Variants in CSMD1 observed in about 807,000 individuals in gnomAD.
CSMD1 encodes CUB and sushi domain-containing protein 1.
CSMD1 carries 213 observed loss-of-function variants against 417.5 expected under a neutral mutation model. The ratio of observed to expected loss-of-function variants is 0.51; its 90% CI spans 0.46 to 0.57. CSMD1 has a LOEUF of 0.57. Among genes scored for constraint, CSMD1 ranks in the 20% least tolerant of loss-of-function variants. The probability of loss-of-function intolerance (pLI) is 0.00; values close to 1 mark genes in which losing one functional copy is unlikely to be tolerated. For synonymous variants in CSMD1, 2,862 were observed against 1,736.8 expected (o/e 1.65, Z -16.11); for missense variants, 6,923 against 4,529.7 (o/e 1.53, Z -15.17).
chr8:3,601,350 G>A (rs1273582346), intron 8 of CSMD1, among the ~76,000 whole-genome samples: 2 of 152,226 alleles, frequency 1.3e-5, no homozygotes, highest in African/African-American at 2.4e-5. Flanking sequence ...GAAGGCAGCA[G>A]ATACTGAAAG....
intron 8 of CSMD1, among the ~76,000 whole-genome samples, chr8:3,602,855 T>C (rs920247604): frequency 2.6e-5 from 4 of 152,166 alleles, no homozygotes; most frequent in Middle Eastern, 3.2e-3. Flanking sequence ...TGATAATTCA[T>C]CAACTATGTT....
At chr8:4,962,842 T>G (rs1031884596) in intron 1 of CSMD1, among the ~76,000 whole-genome samples, 2 of 152,216 alleles carry the variant, frequency 1.3e-5, no homozygotes. Flanking sequence ...AGACCTCTTT[T>G]GTGCTTGGTG....
intron 1 of CSMD1, among the ~76,000 whole-genome samples, chr8:4,974,372 A>G (rs983644754): frequency 2.0e-5 from 3 of 152,126 alleles, no homozygotes; most frequent in African/African-American, 7.2e-5. Flanking sequence ...CTTAGCTGCA[A>G]TATTAAAAGT....
rs555977458 is a variant in CSMD1 at position 3,878,000 on chromosome 8, A to G, written c.818+119903T>C. On this transcript the variant is annotated intron_variant, in intron 5 of 69. Coordinates refer to ENST00000635120, the MANE Select transcript of CSMD1 (RefSeq NM_033225.6). ...TTTAAACTTAAACTGAATGTAAATG[A>G]TAAAACTTTCCAAAGATAAAATGAT... is the stretch of plus-strand genomic sequence containing the variant. Among the ~76,000 whole-genome samples the G allele has an allele frequency of 5.3e-5, 8 of 152,150 alleles. No individual in the cohort carries two copies. In the East Asian group the frequency reaches 1.5e-3, roughly 29 times the overall value.
chr8:3,379,230 G>A (rs943289062), intron 18 of CSMD1, among the ~76,000 whole-genome samples: 1 of 152,158 alleles, frequency 6.6e-6, no homozygotes, highest in Non-Finnish European at 1.5e-5. Flanking sequence ...ACAAACCACT[G>A]CTCAAGGAAA....
chr8:4,233,584 T>A (rs1213133205), intron 3 of CSMD1, among the ~76,000 whole-genome samples: 4 of 152,116 alleles, frequency 2.6e-5, no homozygotes, highest in African/African-American at 9.7e-5. Flanking sequence ...GCCCTGTCTA[T>A]GAACCAGGAA....
chr8:4,458,326 C>A (rs985777254), intron 2 of CSMD1, among the ~76,000 whole-genome samples: 1 of 151,702 alleles, frequency 6.6e-6, no homozygotes, highest in Non-Finnish European at 1.5e-5. Flanking sequence ...CACAAGGGAT[C>A]GATTAGCTGA....
intron 3 of CSMD1, among the ~76,000 whole-genome samples, chr8:4,228,338 C>A (rs576550457): frequency 2.0e-5 from 3 of 152,206 alleles, no homozygotes; most frequent in South Asian, 2.1e-4. Flanking sequence ...GTCTCTAATT[C>A]CTCCCTCCCA....
At chr8:4,937,978 T>C (rs1348123279) in intron 1 of CSMD1, among the ~76,000 whole-genome samples, 1 of 152,230 alleles carries the variant, frequency 6.6e-6, no homozygotes, top group Non-Finnish European at 1.5e-5. Context: ...ACAGTAGTTT[T>C]ATTGGCCTTT....
intron 5 of CSMD1, among the ~76,000 whole-genome samples, chr8:3,824,252 C>CAAA (rs200887302): frequency 4.3e-5 from 6 of 140,882 alleles, no homozygotes; most frequent in African/African-American, 1.5e-4. Context: ...AAACAAAAAC[C>CAAA]AAAAAAAAAA....
At chr8:3,569,716 T>C (rs760497785) in intron 10 of CSMD1, among the ~76,000 whole-genome samples, 1 of 152,208 alleles carries the variant, frequency 6.6e-6, no homozygotes, top group Non-Finnish European at 1.5e-5. Context: ...TTACTTGGAA[T>C]GTCTCCCAAG....
chr8:3,345,969 G>T (rs943874314), intron 22 of CSMD1, among the ~76,000 whole-genome samples: 2 of 152,136 alleles, frequency 1.3e-5, no homozygotes, highest in Non-Finnish European at 2.9e-5. Context: ...AAAACATCAT[G>T]TTTATTTACG....
intron 5 of CSMD1, among the ~76,000 whole-genome samples, chr8:3,770,218 C>G (rs943237401): frequency 1.2e-4 from 18 of 152,192 alleles, no homozygotes; most frequent in Admixed American, 1.3e-4. Flanking sequence ...CACATGGCTT[C>G]TTTCCTTGGT....
chr8:4,699,603 T>C (rs1260609153), intron 1 of CSMD1, among the ~76,000 whole-genome samples: 2 of 152,192 alleles, frequency 1.3e-5, no homozygotes, highest in African/African-American at 2.4e-5. Context: ...ACATCAGAGC[T>C]CTTGGCATTT....
At chr8:3,486,544 T>G (rs1192885320) in intron 11 of CSMD1, among the ~76,000 whole-genome samples, 1 of 152,002 alleles carries the variant, frequency 6.6e-6, no homozygotes, top group African/African-American at 2.4e-5. Context: ...TCAGAGAAAA[T>G]AGCCACAGTG....
intron 1 of CSMD1, among the ~76,000 whole-genome samples, chr8:4,801,715 C>T (rs141696950): frequency 1.1e-4 from 17 of 152,004 alleles, no homozygotes; most frequent in Admixed American, 1.1e-3. Context: ...CTAAACTACC[C>T]ACCACCCCAC....
intron 26 of CSMD1, among the ~76,000 whole-genome samples, chr8:3,280,618 G>A (rs1802660219): frequency 6.6e-6 from 1 of 152,122 alleles, no homozygotes. Flanking sequence ...CTATCCAAGT[G>A]TTACGTGAAA....
chr8:3,667,639 T>G (rs1308772563), intron 7 of CSMD1, among the ~76,000 whole-genome samples: 1 of 152,110 alleles, frequency 6.6e-6, no homozygotes, highest in African/African-American at 2.4e-5. Flanking sequence ...TTTGGGTTGC[T>G]CTGGAAACCC....
chr8:4,792,508 G>A (rs1797746621), intron 1 of CSMD1, among the ~76,000 whole-genome samples: 1 of 152,064 alleles, frequency 6.6e-6, no homozygotes, highest in Non-Finnish European at 1.5e-5. Context: ...GGGCAGTTGT[G>A]GTTGCTGTCT....
Sources: allele counts gnomAD v4.1 joint callset (sites outside exome capture counted in the v4.1 genomes callset), GRCh38; gene constraint gnomAD v4.1.1; transcripts MANE v1.5; gene names NCBI Gene and HGNC (gene_info 2026-07-23, HGNC 2026-07-21).